CYSLTR1: variants seen among roughly 807,000 people sequenced by gnomAD.
CYSLTR1 encodes cysteinyl leukotriene receptor 1.
Under a neutral mutation model 2.1 loss-of-function variants are expected in CYSLTR1, and 1 was observed. The observed-to-expected ratio is 0.48, with a 90% CI of 0.17 to 2.28. CYSLTR1 has a LOEUF of 2.28. CYSLTR1 is among the 30% of genes most tolerant of loss of function. The probability of loss-of-function intolerance (pLI) is 0.26; values close to 1 mark genes in which losing one functional copy is unlikely to be tolerated. For synonymous variants in CYSLTR1, 110 were observed against 89.6 expected (o/e 1.23, Z -1.28); for missense variants, 299 against 250.1 (o/e 1.20, Z -1.32).
intron 1 of CYSLTR1, chrX:78,319,200 G>A (rs1165912017): frequency 9.3e-6 from 1 of 107,491 alleles, no homozygotes; most frequent in African/African-American, 3.4e-5. Flanking sequence ...TGCCATGTTG[G>A]TGTGCTGCAC....
At chrX:78,317,952 AC>A (rs1313175875) in intron 1 of CYSLTR1, among the ~76,000 whole-genome samples, 1 of 111,376 alleles carries the variant, frequency 9.0e-6, no homozygotes, top group African/African-American at 3.3e-5. Flanking sequence ...ACCAGAAACC[AC>A]CTGTTCCCCC....
chrX:78,313,976 C>T (rs987536639), intron 1 of CYSLTR1, among the ~76,000 whole-genome samples: 7 of 111,459 alleles, frequency 6.3e-5, no homozygotes, highest in African/African-American at 2.0e-4. Context: ...GTAGCATCAG[C>T]GAGCCAAGAG....
intron 1 of CYSLTR1, among the ~76,000 whole-genome samples, chrX:78,292,686 C>T (rs758492121): frequency 1.8e-5 from 2 of 111,464 alleles, no homozygotes; most frequent in South Asian, 3.8e-4. Flanking sequence ...GGATAGTTAG[C>T]GCTTCTTGTT....
chrX:78,305,462 G>A (rs1352882821), intron 1 of CYSLTR1, among the ~76,000 whole-genome samples: 1 of 111,185 alleles, frequency 9.0e-6, no homozygotes, highest in Non-Finnish European at 1.9e-5. Context: ...CCTGATTAGG[G>A]TTGTTGGAGA....
Position 78,273,736 on chromosome X carries a change from G to T in CYSLTR1, c.11C>A (p.Thr4Lys). MDE[T>K]GNLTVSSATC... ...GGCAGAAGATACTGTCAGATTTCCT[G>T]TTTCATCCATGTTTCTCTACGAATG... The change falls in exon 3 of 3, where the codon ACA becomes AAA. Residue 4 changes from threonine to lysine, a missense_variant. By Grantham distance (78) the Thr-to-Lys change is moderately conservative. Coordinates refer to ENST00000373304, the MANE Select transcript of CYSLTR1 (RefSeq NM_006639.4). 8.4e-7 allele frequency: 1 copy of T among 1,194,369 alleles called. No homozygotes were observed. Among genetic ancestry groups the T allele is most frequent in the Non-Finnish European group, 1.1e-6 (1 of 884,711 alleles).
chrX:78,315,366 G>A (rs1184716812), intron 1 of CYSLTR1, among the ~76,000 whole-genome samples: 4 of 111,234 alleles, frequency 3.6e-5, no homozygotes, highest in Non-Finnish European at 7.5e-5. Flanking sequence ...CTTCTGCTTC[G>A]GAAGGGAGAG....
intron 2 of CYSLTR1, among the ~76,000 whole-genome samples, chrX:78,276,575 T>G (rs950880227): frequency 1.8e-5 from 2 of 110,882 alleles, no homozygotes; most frequent in African/African-American, 6.6e-5. Context: ...CTATTGAGGA[T>G]GTAGCGTCCA....
intron 1 of CYSLTR1, among the ~76,000 whole-genome samples, chrX:78,293,598 G>A (rs533295817): frequency 8.9e-6 from 1 of 111,857 alleles, no homozygotes; most frequent in East Asian, 2.8e-4. Flanking sequence ...CATTCTCCCC[G>A]TCATGTTCAG....
intron 1 of CYSLTR1, among the ~76,000 whole-genome samples, chrX:78,326,124 T>C (rs963366862): frequency 9.0e-6 from 1 of 111,722 alleles, no homozygotes; most frequent in Non-Finnish European, 1.9e-5. Flanking sequence ...CTGGGGAAAA[T>C]TTTTTTATCA....
intron 1 of CYSLTR1, chrX:78,321,462 G>A (rs1003818684): frequency 9.1e-6 from 1 of 110,483 alleles, no homozygotes; most frequent in African/African-American, 3.3e-5. Flanking sequence ...AGACCAAGGT[G>A]AGTGAATCAC....
At position 78,286,067 on chromosome X, in the gene CYSLTR1, T is replaced by C. The variant is rs186831256; in HGVS notation, c.-114-2527A>G. ...GCCCCTATTCTTATAAGGAAGAGGA[T>C]ACTTTTTCTGCATCAGCCCTTAGCA... On this transcript the variant is annotated intron_variant, in intron 1 of 2. Transcript: ENST00000373304. 2.7e-5 allele frequency among the ~76,000 whole-genome samples: 3 copies of C among 112,101 alleles called. No individual in the cohort carries two copies. In the Admixed American group the frequency reaches 2.8e-4, roughly 11 times the overall value.
At chrX:78,311,672 C>T (rs937397517) in intron 1 of CYSLTR1, among the ~76,000 whole-genome samples, 3 of 112,115 alleles carry the variant, frequency 2.7e-5, no homozygotes, top group Non-Finnish European at 5.6e-5. Context: ...AAATCAGTCA[C>T]ATTTGTGTAC....
At chrX:78,317,222 C>G (rs1347186156) in intron 1 of CYSLTR1, among the ~76,000 whole-genome samples, 1 of 112,383 alleles carries the variant, frequency 8.9e-6, no homozygotes, top group African/African-American at 3.2e-5. Context: ...GACCAACAAA[C>G]ATATGACAAA....
Position 78,272,575 on chromosome X carries a change from C to G in CYSLTR1, c.*158G>C, listed in dbSNP as rs944307034. On this transcript the variant is annotated 3_prime_UTR_variant, in exon 3 of 3. Coordinates refer to ENST00000373304, the MANE Select transcript of CYSLTR1 (RefSeq NM_006639.4). ...TAGCACTTAAAATATCTATAAATAT[C>G]TAATCATGTGGATGCATAAATGAGA... is the stretch of plus-strand genomic sequence containing the variant. 21 of 443,915 alleles carry G rather than the reference C, an allele frequency of 4.7e-5. No individual in the cohort carries two copies. The highest frequency in any genetic ancestry group is 7.3e-5 in the Non-Finnish European group (21 of 287,804). The allele number at this position is 443,915 out of a possible 1,213,427, so 36.6% of individuals were successfully genotyped here.
At chrX:78,310,900 G>A (rs961092387) in intron 1 of CYSLTR1, among the ~76,000 whole-genome samples, 8 of 108,834 alleles carry the variant, frequency 7.4e-5, no homozygotes, top group South Asian at 3.9e-4. Flanking sequence ...GTGTGTGGGC[G>A]TGTGTGTGTG....
Position 78,273,641 on chromosome X carries a change from C to A in CYSLTR1, c.106G>T (p.Val36Leu), listed in dbSNP as rs1921424931. ...ACAAAGCCATTGCCAAAGAAGCCTACAACAGAGATCATAGAGTACAAGGTG... is the reference window on the plus strand; with the variant it reads ...ACAAAGCCATTGCCAAAGAAGCCTAAAACAGAGATCATAGAGTACAAGGTG... ...YSTLYSMISVVGFFGNGFVLY... is the reference protein window; with the variant it reads ...YSTLYSMISVLGFFGNGFVLY... Residue 36 changes from valine to leucine, a missense_variant, in exon 3 of 3, where the codon GTA becomes TTA. Physicochemically the swap from Val to Leu is conservative, Grantham distance 32 (BLOSUM62 1). Coordinates refer to ENST00000373304, the MANE Select transcript of CYSLTR1 (RefSeq NM_006639.4). 8.3e-7 allele frequency: 1 copy of A among 1,211,681 alleles called. No individual in the cohort carries two copies. Among genetic ancestry groups the A allele is most frequent in the Non-Finnish European group, 1.1e-6 (1 of 895,459 alleles).
chrX:78,310,623 A>G (rs1167640198), intron 1 of CYSLTR1, among the ~76,000 whole-genome samples: 1 of 112,347 alleles, frequency 8.9e-6, no homozygotes, highest in African/African-American at 3.2e-5. Context: ...CTGCATTATT[A>G]CAGCTGCTGT....
chrX:78,306,446 G>A (rs748780637), intron 1 of CYSLTR1, among the ~76,000 whole-genome samples: 1 of 111,568 alleles, frequency 9.0e-6, no homozygotes, highest in African/African-American at 3.3e-5. Flanking sequence ...TTACACGCAC[G>A]AGCCACTGCA....
intron 1 of CYSLTR1, among the ~76,000 whole-genome samples, chrX:78,296,927 G>C (rs1353754348): frequency 5.4e-5 from 6 of 111,207 alleles, no homozygotes; most frequent in African/African-American, 2.0e-4. Flanking sequence ...CCAGTACTAT[G>C]TTGAATAATT....
Sources: allele counts gnomAD v4.1 joint callset (sites outside exome capture counted in the v4.1 genomes callset), GRCh38; gene constraint gnomAD v4.1.1; transcripts MANE v1.5; gene names NCBI Gene and HGNC (gene_info 2026-07-23, HGNC 2026-07-21).